Variants in MOG observed in about 807,000 individuals in gnomAD.
The protein encoded by MOG is myelin oligodendrocyte glycoprotein, also known as myelin-oligodendrocyte glycoprotein.
A neutral mutation model predicts 35.9 loss-of-function variants in MOG; 20 were observed. The observed-to-expected ratio is 0.56, with a 90% CI of 0.39 to 0.81. MOG has a LOEUF of 0.81. MOG is among the 30% of genes least tolerant of loss of function. The pLI is 0.00. For missense variants in MOG, 251 were observed against 301.0 expected (o/e 0.83, Z 1.23); for synonymous variants, 92 against 114.3 (o/e 0.80, Z 1.25).
rs1221087031 is a variant in MOG at position 29,671,353 on chromosome 6, T to TCTTC, written c.*169_*172dup. The TCTTC allele has an allele frequency of 6.2e-6, 10 of 1,611,804 alleles. No homozygotes were observed. The African/African-American group carries it at 1.3e-4, about 22-fold the overall frequency. On this transcript the variant is annotated 3_prime_UTR_variant, in exon 8 of 8. Transcript: ENST00000376917. The stretch of plus-strand genomic sequence containing the variant: ...AATTCCAAGTAGAATTGATTTCCCT[T>TCTTC]CTTCTGTCATCTACCTTTTCTCTTC...
intron 1 of MOG, among the ~76,000 whole-genome samples, chr6:29,658,313 G>A (rs1455923805): frequency 6.6e-6 from 1 of 152,160 alleles, no homozygotes; most frequent in Non-Finnish European, 1.5e-5. Flanking sequence ...CAGGTCTAGG[G>A]GAGAAAGCAG....
At chr6:29,666,020 T>C (rs928746975) in intron 2 of MOG, 132 bp from the exon 3 acceptor site, 2 of 771,564 alleles carry the variant, frequency 2.6e-6, no homozygotes, top group African/African-American at 3.4e-5. Flanking sequence ...CAGGGACCAA[T>C]TCTGTGTCAC....
At chr6:29,663,027 T>C (rs1389927892) in intron 2 of MOG, among the ~76,000 whole-genome samples, 1 of 152,122 alleles carries the variant, frequency 6.6e-6, no homozygotes, top group African/African-American at 2.4e-5. Flanking sequence ...CCCAGTACTT[T>C]GGGAGCCCAA....
chr6:29,660,785 G>A (rs1451197521), intron 2 of MOG, among the ~76,000 whole-genome samples: 2 of 147,426 alleles, frequency 1.4e-5, no homozygotes, highest in Admixed American at 1.4e-4. Context: ...GGAGTGCAAT[G>A]GCGCCCTCCG....
chr6:29,672,324 AT>A lies in MOG; in HGVS notation c.*1140del, dbSNP rs1238649698. ...AATAAATAAATAAATAAATAAATAA[AT>A]AAATAAATAAAAAATAATAATACAA... is the stretch of plus-strand genomic sequence containing the variant. On this transcript the variant is annotated 3_prime_UTR_variant, in exon 8 of 8. Coordinates refer to ENST00000376917, the MANE Select transcript of MOG (RefSeq NM_206809.4). 22 of 293,596 alleles carry A rather than the reference AT, an allele frequency of 7.5e-5. No homozygotes were observed. Among genetic ancestry groups the A allele is most frequent in the Non-Finnish European group, 1.1e-4 (18 of 169,876 alleles). The allele number at this position is 293,596 out of a possible 1,614,324, so 18.2% of individuals were successfully genotyped here.
intron 1 of MOG, among the ~76,000 whole-genome samples, chr6:29,657,789 G>A (rs111240222): frequency 3.1e-4 from 47 of 150,954 alleles, no homozygotes; most frequent in African/African-American, 1.1e-3. Context: ...GATTATGGGC[G>A]TGAGCCACTG....
At position 29,657,110 on chromosome 6, in the gene MOG, C is replaced by T. The variant is rs1767256205; in HGVS notation, c.-100C>T. 4.5e-6 allele frequency: 4 copies of T among 886,062 alleles called. No individual in the cohort carries two copies. The highest frequency in any genetic ancestry group is 7.6e-6 in the Non-Finnish European group (4 of 527,342). 54.9% of individuals were successfully genotyped at this position (886,062 alleles called of 1,614,324 possible). The stretch of plus-strand genomic sequence containing the variant: ...CCCAGGCAGCACTGCCCTCCAAGAT[C>T]TTCCCTTGGGCTTTTCAGCAGTAAG... On this transcript the variant is annotated 5_prime_UTR_variant, in exon 1 of 8. Coordinates refer to ENST00000376917, the MANE Select transcript of MOG (RefSeq NM_206809.4).
At position 29,671,503 on chromosome 6, in the gene MOG, C is replaced by CCTGTGTTGCTCT; in HGVS notation, c.*318_*319insCTGTGTTGCTCT. ...AGAGGACACCTGTACTGGAGAGCAA[C>CCTGTGTTGCTCT]ACAGGATGGTCTCTGCCATGAACTG... On this transcript the variant is annotated 3_prime_UTR_variant, in exon 8 of 8. Transcript: ENST00000376917. 8.4e-7 allele frequency: 1 copy of CCTGTGTTGCTCT among 1,187,762 alleles called. No homozygotes were observed. Among genetic ancestry groups the CCTGTGTTGCTCT allele is most frequent in the Non-Finnish European group, 1.3e-6 (1 of 792,248 alleles). 73.6% of individuals were successfully genotyped at this position (1,187,762 alleles called of 1,614,324 possible). A position where few individuals can be genotyped will look rare whatever the true frequency, so the allele number is the denominator to read the frequency against.
At chr6:29,665,537 T>C (rs1437773171) in intron 2 of MOG, among the ~76,000 whole-genome samples, 1 of 152,152 alleles carries the variant, frequency 6.6e-6, no homozygotes, top group Non-Finnish European at 1.5e-5. Context: ...TTATTCCCTA[T>C]TTAAGCTTTG....
rs370975020 is a variant in MOG at position 29,664,035 on chromosome 6, T to C, written c.437-2117T>C. On this transcript the variant is annotated intron_variant, in intron 2 of 7. Coordinates refer to ENST00000376917, the MANE Select transcript of MOG (RefSeq NM_206809.4). ...GCAGCATGGCACATGGAGATTAGAG[T>C]GGGGCTTTTGGATGCTGAGGAGCAG... The C allele has an allele frequency of 1.4e-3, 469 of 331,932 alleles. 8 individuals carry two copies. The Middle Eastern group carries it at 0.015, about 11-fold the overall frequency. 20.6% of individuals were successfully genotyped at this position (331,932 alleles called of 1,614,324 possible).
chr6:29,667,130 G>A (rs1770383798), intron 3 of MOG, among the ~76,000 whole-genome samples: 1 of 152,196 alleles, frequency 6.6e-6, no homozygotes, highest in Admixed American at 6.5e-5. Context: ...GAACTCTATA[G>A]CAAAATTCTT....
intron 2 of MOG, among the ~76,000 whole-genome samples, chr6:29,663,142 A>G (rs1415589072): frequency 6.6e-6 from 1 of 151,692 alleles, no homozygotes; most frequent in Non-Finnish European, 1.5e-5. Flanking sequence ...GCGTGGTGGC[A>G]GGCGCCTGTA....
rs762379180 is a variant in MOG at position 29,670,299 on chromosome 6, T to A, written c.611T>A (p.Val204Glu). The A allele has an allele frequency of 1.2e-6, 2 of 1,614,146 alleles. No homozygotes were observed. The change falls in exon 6 of 8, where the codon GTG becomes GAG. Residue 204 changes from valine (V) to glutamate (E), a missense_variant. Val to Glu is a moderately radical substitution (Grantham distance 121). Coordinates refer to ENST00000376917, the MANE Select transcript of MOG (RefSeq NM_206809.4). The surrounding 1 kb of genome is among the most constrained non-coding windows in gnomAD (Gnocchi z 4.2). ...AATTCAGATCCCCACTTTCTGAGGG[T>A]GCCCTGCTGGAAGATAACCCTGTTT... is the stretch of plus-strand genomic sequence containing the variant. ...HRTFDPHFLR[V>E]PCWKITLFVI...
rs759181084 is a variant in MOG, at chr6:29,659,493, G to C, written c.263G>C (p.Gly88Ala). 7.4e-6 allele frequency: 12 copies of C among 1,612,976 alleles called. No individual in the cohort carries two copies. The Admixed American group carries it at 1.8e-4, about 25-fold the overall frequency. Residue 88 changes from glycine to alanine, a missense_variant, in exon 2 of 8, where the codon GGA becomes GCA. By Grantham distance (60) the Gly-to-Ala change is moderately conservative. Transcript: ENST00000376917. ...HLYRNGKDQD[G>A]DQAPEYRGRT... Reference sequence around the variant, plus strand: ...TACAGAAATGGCAAGGACCAAGATGGAGACCAGGCACCTGAATATCGGGGC... The same window carrying C: ...TACAGAAATGGCAAGGACCAAGATGCAGACCAGGCACCTGAATATCGGGGC...
Position 29,659,607 on chromosome 6 carries a change from C to T in MOG, c.377C>T (p.Thr126Ile). The T allele has an allele frequency of 6.2e-7, 1 of 1,613,070 alleles. No individual in the cohort carries two copies. Among genetic ancestry groups the T allele is most frequent in the South Asian group, 1.1e-5 (1 of 91,078 alleles). The change falls in exon 2 of 8, where the codon ACC (threonine) becomes ATC (isoleucine). Residue 126 changes from threonine to isoleucine, a missense_variant. By Grantham distance (89) the Thr-to-Ile change is moderately conservative. Transcript: ENST00000376917. ...NVRFSDEGGF[T>I]CFFRDHSYQE... Reference sequence around the variant, plus strand: ...AGGTTCTCAGATGAAGGAGGTTTCACCTGCTTCTTCCGAGATCATTCTTAC... The same window carrying T: ...AGGTTCTCAGATGAAGGAGGTTTCATCTGCTTCTTCCGAGATCATTCTTAC...
intron 3 of MOG, among the ~76,000 whole-genome samples, chr6:29,667,254 G>C (rs1234915871): frequency 6.6e-6 from 1 of 152,210 alleles, no homozygotes; most frequent in East Asian, 1.9e-4. Flanking sequence ...CAGTCACAAA[G>C]TAGCTAGCTA....
intron 2 of MOG, among the ~76,000 whole-genome samples, chr6:29,665,726 A>T (rs1299875866): frequency 6.6e-6 from 1 of 151,708 alleles, no homozygotes; most frequent in Non-Finnish European, 1.5e-5. Flanking sequence ...ACAGCCTTGA[A>T]CTACATATTT....
intron 1 of MOG, among the ~76,000 whole-genome samples, chr6:29,658,429 A>T (rs191972582): frequency 6.6e-6 from 1 of 152,354 alleles, no homozygotes; most frequent in East Asian, 1.9e-4. Flanking sequence ...GAGGTGGAAG[A>T]TACAGGGGAA....
At chr6:29,663,499 AG>A (rs1200682158) in intron 2 of MOG, among the ~76,000 whole-genome samples, 2 of 152,108 alleles carry the variant, frequency 1.3e-5, no homozygotes, top group Non-Finnish European at 2.9e-5. Context: ...AGGGTTTCCC[AG>A]GGTCTGAATT....
Sources: gnomAD v4.1 joint callset for allele counts (sites outside exome capture counted in the v4.1 genomes callset) on GRCh38, gnomAD v4.1.1 for gene constraint, Gnocchi (gnomAD v3.1) non-coding constraint, MANE v1.5 for transcripts, NCBI Gene and HGNC (gene_info 2026-07-23, HGNC 2026-07-21) for gene names.